CCDC85A: variants seen among roughly 807,000 people sequenced by gnomAD.
CCDC85A encodes the protein coiled-coil domain containing 85A, also known as coiled-coil domain-containing protein 85A.
In CCDC85A, 38 loss-of-function variants were observed where a neutral mutation model predicts 50.2. That is an observed-to-expected ratio of 0.76 (90% CI 0.58 to 0.99). The LOEUF is 0.99. Ranked by LOEUF, CCDC85A falls within the 50% of genes least tolerant of loss-of-function variation. The pLI, the probability that CCDC85A is intolerant of heterozygous loss-of-function variation, is 0.00. For missense variants in CCDC85A, 820 were observed against 742.0 expected (o/e 1.11, Z -1.22); for synonymous variants, 366 against 301.4 (o/e 1.21, Z -2.22).
At chr2:56,338,408 A>T (rs1165169942) in intron 2 of CCDC85A, among the ~76,000 whole-genome samples, 6 of 152,098 alleles carry the variant, frequency 3.9e-5, no homozygotes, top group African/African-American at 1.4e-4. Flanking sequence ...AAAAGGACAA[A>T]AAAGGGAAAT....
chr2:56,227,542 T>G (rs902349494), intron 2 of CCDC85A, among the ~76,000 whole-genome samples: 1 of 152,180 alleles, frequency 6.6e-6, no homozygotes, highest in Admixed American at 6.5e-5. Flanking sequence ...GTAGATGGCA[T>G]GTCTGGATCT....
chr2:56,316,707 T>A (rs866859898), intron 2 of CCDC85A, among the ~76,000 whole-genome samples: 1 of 152,110 alleles, frequency 6.6e-6, no homozygotes, highest in Non-Finnish European at 1.5e-5. Flanking sequence ...TGAAGTATAC[T>A]CTTAAGGATT....
intron 2 of CCDC85A, among the ~76,000 whole-genome samples, chr2:56,298,583 G>T (rs1273270803): frequency 5.9e-5 from 9 of 152,100 alleles, no homozygotes; most frequent in African/African-American, 2.2e-4. Context: ...CTGAGGATTT[G>T]ATGAATTTAG....
At chr2:56,226,221 A>G (rs570516684) in intron 2 of CCDC85A, among the ~76,000 whole-genome samples, 23 of 152,328 alleles carry the variant, frequency 1.5e-4, no homozygotes, top group South Asian at 6.2e-4. Flanking sequence ...TTTACTTGAC[A>G]TGCCTTAATT....
chr2:56,287,808 G>A (rs1205268660), intron 2 of CCDC85A, among the ~76,000 whole-genome samples: 2 of 152,086 alleles, frequency 1.3e-5, no homozygotes, highest in Non-Finnish European at 2.9e-5. Context: ...GGACATTGTA[G>A]CACCCAGCAT....
At chr2:56,223,885 C>T (rs910282670) in intron 2 of CCDC85A, among the ~76,000 whole-genome samples, 2 of 152,022 alleles carry the variant, frequency 1.3e-5, no homozygotes, top group Non-Finnish European at 2.9e-5. Flanking sequence ...TCTCTGATGG[C>T]ACCTTTAGGC....
chr2:56,338,742 C>CT (rs1674207798), intron 2 of CCDC85A, among the ~76,000 whole-genome samples: 1 of 151,832 alleles, frequency 6.6e-6, no homozygotes, highest in East Asian at 1.9e-4. Flanking sequence ...AATATTTCTT[C>CT]TTTTTTTCTC....
At chr2:56,293,891 G>C (rs944066227) in intron 2 of CCDC85A, among the ~76,000 whole-genome samples, 5 of 152,342 alleles carry the variant, frequency 3.3e-5, no homozygotes, top group Admixed American at 6.5e-5. Context: ...GTGGAAGAGA[G>C]TGTGGCAATT....
chr2:56,309,162 A>G (rs1386105324), intron 2 of CCDC85A, among the ~76,000 whole-genome samples: 1 of 152,234 alleles, frequency 6.6e-6, no homozygotes, highest in Non-Finnish European at 1.5e-5. Context: ...TATAAGAAGG[A>G]TAGCCATCTA....
At chr2:56,366,861 C>T (rs189782898) in intron 3 of CCDC85A, among the ~76,000 whole-genome samples, 4 of 152,204 alleles carry the variant, frequency 2.6e-5, no homozygotes, top group African/African-American at 9.6e-5. Context: ...GTCCAGATTT[C>T]TCCTTCTTAT....
intron 5 of CCDC85A, among the ~76,000 whole-genome samples, chr2:56,378,651 G>C (rs150467420): frequency 1.2e-3 from 183 of 152,330 alleles, no homozygotes; most frequent in African/African-American, 4.2e-3. Context: ...AAATTAATGA[G>C]TGTAGTTTGT....
At chr2:56,363,746 A>G (rs564911050) in intron 3 of CCDC85A, among the ~76,000 whole-genome samples, 5 of 152,318 alleles carry the variant, frequency 3.3e-5, no homozygotes, top group African/African-American at 9.6e-5. Flanking sequence ...CCCTGATAGC[A>G]TGCTGAGGTG....
At chr2:56,364,941 C>T (rs999082402) in intron 3 of CCDC85A, among the ~76,000 whole-genome samples, 2 of 152,172 alleles carry the variant, frequency 1.3e-5, no homozygotes, top group Admixed American at 6.5e-5. Context: ...ACACTATTAC[C>T]AGATCAATCT....
intron 2 of CCDC85A, among the ~76,000 whole-genome samples, chr2:56,244,108 A>G (rs1175523912): frequency 6.6e-6 from 1 of 152,134 alleles, no homozygotes; most frequent in Non-Finnish European, 1.5e-5. Context: ...CTAGGGCTCT[A>G]CAATCAGCAG....
At chr2:56,218,744 G>T (rs956167949) in intron 2 of CCDC85A, among the ~76,000 whole-genome samples, 1 of 151,536 alleles carries the variant, frequency 6.6e-6, no homozygotes, top group Non-Finnish European at 1.5e-5. Flanking sequence ...CTTTCATCTG[G>T]TACAATTCCT....
chr2:56,256,701 CA>C (rs1669998696), intron 2 of CCDC85A, among the ~76,000 whole-genome samples: 1 of 152,176 alleles, frequency 6.6e-6, no homozygotes, highest in East Asian at 1.9e-4. Context: ...CTCCCTTGCC[CA>C]GGCAGATAAA....
intron 2 of CCDC85A, among the ~76,000 whole-genome samples, chr2:56,229,159 C>A (rs1023033319): frequency 3.9e-5 from 6 of 152,110 alleles, no homozygotes; most frequent in Non-Finnish European, 8.8e-5. Flanking sequence ...GGACCTAGTC[C>A]CTTTGGCAAT....
intron 3 of CCDC85A, among the ~76,000 whole-genome samples, chr2:56,346,063 T>C (rs1320741623): frequency 6.6e-6 from 1 of 152,210 alleles, no homozygotes; most frequent in Non-Finnish European, 1.5e-5. Context: ...TTTGCAGCTG[T>C]AGCCAGAATT....
intron 3 of CCDC85A, among the ~76,000 whole-genome samples, chr2:56,371,505 A>T (rs996213148): frequency 2.0e-5 from 3 of 152,078 alleles, no homozygotes; most frequent in African/African-American, 7.2e-5. Flanking sequence ...TCCATAATTA[A>T]AATTATTAAA....
Sources: gnomAD v4.1 joint callset for allele counts (sites outside exome capture counted in the v4.1 genomes callset) on GRCh38, gnomAD v4.1.1 for gene constraint, MANE v1.5 for transcripts, NCBI Gene and HGNC (gene_info 2026-07-23, HGNC 2026-07-21) for gene names.